Variants in DIP2C observed in about 807,000 individuals in gnomAD.
DIP2C encodes DIP2 acetate--CoA ligase C (putative), also known as disco-interacting protein 2 homolog C.
DIP2C carries 33 observed loss-of-function variants against 192.4 expected under a neutral mutation model. The observed-to-expected ratio is 0.17, with a 90% CI of 0.13 to 0.23. The LOEUF is 0.23. Among genes scored for constraint, DIP2C ranks in the 10% least tolerant of loss-of-function variants. The pLI is 1.00. For missense variants in DIP2C, 1,537 were observed against 2,110.1 expected, an observed-to-expected ratio of 0.73 and a Z score of 5.32; for synonymous variants, 979 against 864.1, an observed-to-expected ratio of 1.13 and a Z score of -2.33.
At chr10:671,481 C>T (rs1468715025) in intron 1 of DIP2C, among the ~76,000 whole-genome samples, 1 of 105,444 alleles carries the variant, frequency 9.5e-6, no homozygotes. Context: ...ACGGAGGAAA[C>T]GCCACAGACG....
chr10:599,904 CA>C (rs1444371021), intron 1 of DIP2C, among the ~76,000 whole-genome samples: 1 of 152,178 alleles, frequency 6.6e-6, no homozygotes, highest in Non-Finnish European at 1.5e-5. Context: ...CAGTGTGGGA[CA>C]GGGGGAGCTC....
rs926847395 is a variant in DIP2C, at chr10:651,827, G to A, written c.85+37667C>T. 3 of 228,368 alleles carry A rather than the reference G, an allele frequency of 1.3e-5. No individual in the cohort carries two copies. Among genetic ancestry groups the A allele is most frequent in the Non-Finnish European group, 2.6e-5 (3 of 115,376 alleles). The allele number at this position is 228,368 out of a possible 1,614,324, so 14.1% of individuals were successfully genotyped here. On this transcript the variant is annotated intron_variant, in intron 1 of 36. Transcript: ENST00000280886. This position sits in a 1 kb window ranked among gnomAD's most constrained non-coding sequence, Gnocchi z 4.1. ...AGCTGCGGCATGAGAGAGATGGTGT[G>A]GGGCGAAACCAATGGGGAAACTACA... is the stretch of plus-strand genomic sequence containing the variant.
intron 15 of DIP2C, among the ~76,000 whole-genome samples, 173 bp downstream of exon 15, chr10:384,373 G>A (rs1302608347): frequency 2.1e-5 from 3 of 144,584 alleles, no homozygotes; most frequent in African/African-American, 7.6e-5. Flanking sequence ...GAGTAGCTGG[G>A]ATTATAGGCA....
chr10:658,978 G>A (rs576257830), intron 1 of DIP2C, among the ~76,000 whole-genome samples: 15 of 151,838 alleles, frequency 9.9e-5, no homozygotes, highest in South Asian at 4.2e-4. Context: ...ACACACATGC[G>A]CACACACACA....
chr10:283,583 G>T, intron 34 of DIP2C, 137 bp from the exon 35 acceptor site: 1 of 1,111,114 alleles, frequency 9.0e-7, no homozygotes, highest in Non-Finnish European at 1.3e-6. Context: ...CCAAGATGAT[G>T]TTAATCTCAT....
rs1961298014 is a variant in DIP2C at position 374,091 on chromosome 10, T to C, written c.1992-4458A>G. ...TCTTCACTAAACATATCTGCAGATC[T>C]TTCCATGTGTCTGTGTGTGGGTGTG... is the stretch of plus-strand genomic sequence containing the variant. On this transcript the variant is annotated intron_variant, in intron 17 of 36. Coordinates refer to ENST00000280886, the MANE Select transcript of DIP2C (RefSeq NM_014974.3). Among the ~76,000 whole-genome samples, 6 of 152,352 alleles carry C rather than the reference T, an allele frequency of 3.9e-5. No homozygotes were observed. In the South Asian group the frequency reaches 1.2e-3, roughly 32 times the overall value.
At chr10:379,318 G>C (rs889171330) in intron 17 of DIP2C, among the ~76,000 whole-genome samples, 1 of 151,258 alleles carries the variant, frequency 6.6e-6, no homozygotes, top group Non-Finnish European at 1.5e-5. Flanking sequence ...TGCATCCTGC[G>C]TATTTATCAA....
intron 1 of DIP2C, among the ~76,000 whole-genome samples, chr10:551,373 C>A (rs903708952): frequency 2.0e-5 from 3 of 152,198 alleles, no homozygotes; most frequent in Non-Finnish European, 2.9e-5. Context: ...CCAAAGGCCA[C>A]GTCCCGCTTA....
rs1189790347 is a variant in DIP2C at position 402,347 on chromosome 10, A to C, written c.1150-3128T>G. 1.9e-4 allele frequency among the ~76,000 whole-genome samples: 2 copies of C among 10,498 alleles called. 1 individual carries two copies. Among genetic ancestry groups the C allele is most frequent in the African/African-American group, 2.1e-4 (2 of 9,490 alleles). The allele number at this position is 10,498 out of a possible 152,430, so 6.9% of individuals were successfully genotyped here. A position where few individuals can be genotyped will look rare whatever the true frequency, so the allele number is the denominator to read the frequency against. On this transcript the variant is annotated intron_variant, in intron 9 of 36. Transcript: ENST00000280886. ...GGTAGCATTAGCATTACTCTTCCTT[A>C]TGGACAAGTTTGGTACGTTTTCATC...
At chr10:307,552 C>A (rs907258003) in intron 32 of DIP2C, among the ~76,000 whole-genome samples, 28 of 152,146 alleles carry the variant, frequency 1.8e-4, no homozygotes, top group African/African-American at 6.0e-4. Flanking sequence ...GTGAGGGCAT[C>A]GGAGAGCAAG....
chr10:473,798 G>T (rs1021733945), intron 2 of DIP2C, among the ~76,000 whole-genome samples: 1 of 152,222 alleles, frequency 6.6e-6, no homozygotes, highest in African/African-American at 2.4e-5. Context: ...GTTAACAAAA[G>T]AAATATTTAG....
At position 532,760 on chromosome 10, in the gene DIP2C, A is replaced by AGAGTATGGGTGTGT. The variant is rs1440303954; in HGVS notation, c.86-46231_86-46230insACACACCCATACTC. Among the ~76,000 whole-genome samples, 342 of 91,290 alleles carry AGAGTATGGGTGTGT rather than the reference A, an allele frequency of 3.7e-3. 23 individuals carry two copies. The highest frequency in any genetic ancestry group is 6.8e-3 in the South Asian group (20 of 2,946). 59.9% of individuals were successfully genotyped at this position (91,290 alleles called of 152,430 possible). ...GTGTGAGAGAGAGTATGGGTGTGTG[A>AGAGTATGGGTGTGT]GAGAGTATGGGTGTGTGAGAGAGTA... On this transcript the variant is annotated intron_variant, in intron 1 of 36. Transcript: ENST00000280886.
chr10:404,491 G>A (rs995264120), intron 9 of DIP2C, among the ~76,000 whole-genome samples: 4 of 152,288 alleles, frequency 2.6e-5, no homozygotes, highest in Admixed American at 6.5e-5. Context: ...TTCCAGGCAT[G>A]AGTCACCGCA....
chr10:589,902 A>G (rs1005827893), intron 1 of DIP2C, among the ~76,000 whole-genome samples: 1 of 152,240 alleles, frequency 6.6e-6, no homozygotes, highest in East Asian at 1.9e-4. Flanking sequence ...AAACTGCAAT[A>G]ATTTCACAAC....
At chr10:479,421 C>T (rs1184330880) in intron 2 of DIP2C, among the ~76,000 whole-genome samples, 1 of 149,576 alleles carries the variant, frequency 6.7e-6, no homozygotes, top group Non-Finnish European at 1.5e-5. Flanking sequence ...GCAACATCTG[C>T]CTCCCAGGTT....
At chr10:442,433 C>T (rs1967821192) in intron 3 of DIP2C, among the ~76,000 whole-genome samples, 1 of 152,146 alleles carries the variant, frequency 6.6e-6, no homozygotes, top group Non-Finnish European at 1.5e-5. Flanking sequence ...CAATATGTGA[C>T]TGACTTGGGC....
chr10:544,774 TG>T (rs1290105009), intron 1 of DIP2C, among the ~76,000 whole-genome samples: 1 of 152,248 alleles, frequency 6.6e-6, no homozygotes, highest in African/African-American at 2.4e-5. Flanking sequence ...ATTTTTAAAT[TG>T]GATTTTCTTT....
chr10:647,274 A>C (rs1403669113), intron 1 of DIP2C, among the ~76,000 whole-genome samples: 1 of 144,428 alleles, frequency 6.9e-6, no homozygotes, highest in South Asian at 2.2e-4. Flanking sequence ...GGACGGTGGG[A>C]GAGAACAGAG....
rs80279611 is a variant in DIP2C at position 662,466 on chromosome 10, C to G, written c.85+27028G>C. ...GGCGCACAGGCAGGCACAGGCTGCACCCCCACAGCTGGGCCCCGCGAGCTG... is the reference window on the plus strand; with the variant it reads ...GGCGCACAGGCAGGCACAGGCTGCAGCCCCACAGCTGGGCCCCGCGAGCTG... On this transcript the variant is annotated intron_variant, in intron 1 of 36. Transcript: ENST00000280886. Among the ~76,000 whole-genome samples the G allele has an allele frequency of 1.1e-3, 170 of 152,338 alleles. 3 individuals carry two copies. In the East Asian group the frequency reaches 0.031, roughly 28 times the overall value.
Sources: allele counts gnomAD v4.1 joint callset (sites outside exome capture counted in the v4.1 genomes callset), GRCh38; gene constraint gnomAD v4.1.1; non-coding constraint Gnocchi (gnomAD v3.1); transcripts MANE v1.5; gene names NCBI Gene and HGNC (gene_info 2026-07-23, HGNC 2026-07-21).